METTL21A: variants seen among roughly 807,000 people sequenced by gnomAD.
METTL21A encodes protein N-lysine methyltransferase METTL21A.
A neutral mutation model predicts 20.9 loss-of-function variants in METTL21A; 22 were observed. The ratio of observed to expected loss-of-function variants is 1.05; its 90% CI spans 0.75 to 1.50. METTL21A has a LOEUF of 1.50. Among genes scored for constraint, METTL21A ranks in the 40% most tolerant of loss-of-function variants. The pLI, the probability that METTL21A is intolerant of heterozygous loss-of-function variation, is 0.00. For synonymous variants in METTL21A, 93 were observed against 102.0 expected (o/e 0.91, Z 0.53); for missense variants, 271 against 266.8 (o/e 1.02, Z -0.11).
chr2:207,617,809 T>G (rs2089977896), intron 3 of METTL21A, among the ~76,000 whole-genome samples: 1 of 150,842 alleles, frequency 6.6e-6, no homozygotes, highest in Admixed American at 6.6e-5. Context: ...GCAGTGGGAG[T>G]GGACAGAGAG....
chr2:207,620,317 C>A (rs1334538869), intron 3 of METTL21A, among the ~76,000 whole-genome samples: 1 of 152,138 alleles, frequency 6.6e-6, no homozygotes, highest in Non-Finnish European at 1.5e-5. Context: ...GTGGCACATG[C>A]CTGTAGTCCC....
At chr2:207,595,229 C>G (rs1304044195) in intron 3 of METTL21A, among the ~76,000 whole-genome samples, 1 of 151,830 alleles carries the variant, frequency 6.6e-6, no homozygotes, top group Non-Finnish European at 1.5e-5. Flanking sequence ...CTCCTGACCT[C>G]ATGATCCACC....
chr2:207,619,852 C>G (rs910619390), intron 3 of METTL21A, among the ~76,000 whole-genome samples: 5 of 152,154 alleles, frequency 3.3e-5, no homozygotes, highest in African/African-American at 4.8e-5. Flanking sequence ...ATGTTATACA[C>G]GCAATCTCAT....
At chr2:207,593,139 C>T (rs753661482) in intron 3 of METTL21A, among the ~76,000 whole-genome samples, 17 of 152,176 alleles carry the variant, frequency 1.1e-4, no homozygotes, top group Non-Finnish European at 2.2e-4. Flanking sequence ...GATTCCTTTT[C>T]ATAATTTCCA....
intron 3 of METTL21A, among the ~76,000 whole-genome samples, chr2:207,590,462 CTGATCTT>C (rs934300007): frequency 6.6e-6 from 1 of 151,876 alleles, no homozygotes; most frequent in African/African-American, 2.4e-5. Flanking sequence ...GATTTGTACT[CTGATCTT>C]TGTTATTTTC....
chr2:207,606,673 G>A (rs1298378943), downstream of METTL21A, among the ~76,000 whole-genome samples: 1 of 152,164 alleles, frequency 6.6e-6, no homozygotes, highest in Non-Finnish European at 1.5e-5. Flanking sequence ...CTGGGGAGCA[G>A]TGAGGTTGTG....
chr2:207,603,361 T>C (rs192810631), intron 3 of METTL21A: 73 of 224,772 alleles, frequency 3.2e-4, no homozygotes, highest in African/African-American at 1.4e-3. Flanking sequence ...ATCTTTGTGG[T>C]ATCAACTGTC....
At chr2:207,598,486 TAAAA>T (rs143222694) in intron 3 of METTL21A, 495 of 168,170 alleles carry the variant, frequency 2.9e-3, no homozygotes, top group East Asian at 0.013. Context: ...CAGTTACTCT[TAAAA>T]AAAAAAAAAA....
exon 2 of METTL21A, chr2:207,624,287 G>A: frequency 2.5e-6 from 4 of 1,613,810 alleles, no homozygotes; most frequent in East Asian, 2.2e-5. Flanking sequence ...GATCTGGATC[G>A]TGTGGTTTGC....
At chr2:207,618,849 G>A (rs572565025) in intron 3 of METTL21A, among the ~76,000 whole-genome samples, 35 of 152,300 alleles carry the variant, frequency 2.3e-4, no homozygotes, top group African/African-American at 8.4e-4. Flanking sequence ...CACAGGTGAG[G>A]GGGGACTGCT....
At chr2:207,590,470 T>C (rs998594745) in intron 3 of METTL21A, among the ~76,000 whole-genome samples, 3 of 152,094 alleles carry the variant, frequency 2.0e-5, no homozygotes, top group Non-Finnish European at 2.9e-5. Flanking sequence ...CTCTGATCTT[T>C]GTTATTTTCT....
chr2:207,605,052 G>C (rs1318326074), downstream of METTL21A, among the ~76,000 whole-genome samples: 1 of 152,162 alleles, frequency 6.6e-6, no homozygotes, highest in Non-Finnish European at 1.5e-5. Context: ...ACAAGTATTT[G>C]AGTCCGTGTT....
chr2:207,602,497 T>C (rs2087249272), intron 3 of METTL21A: 1 of 205,172 alleles, frequency 4.9e-6, no homozygotes, highest in Non-Finnish European at 1.0e-5. Flanking sequence ...TACTTGCCTA[T>C]AGAAGTATGG....
At chr2:207,621,575 AAC>A (rs2090479440) in intron 3 of METTL21A, among the ~76,000 whole-genome samples, 1 of 152,190 alleles carries the variant, frequency 6.6e-6, no homozygotes, top group South Asian at 2.1e-4. Flanking sequence ...AAGTATAAAT[AAC>A]AGAGTGTGTG....
intron 3 of METTL21A, among the ~76,000 whole-genome samples, chr2:207,583,240 G>A (rs1199046418): frequency 1.3e-5 from 2 of 152,036 alleles, no homozygotes; most frequent in African/African-American, 4.8e-5. Flanking sequence ...ACTCATGAGA[G>A]TTCCTGGGAC....
intron 3 of METTL21A, among the ~76,000 whole-genome samples, chr2:207,591,367 A>G (rs2084991642): frequency 6.6e-6 from 1 of 152,200 alleles, no homozygotes; most frequent in Non-Finnish European, 1.5e-5. Flanking sequence ...TATCCCTGAC[A>G]ATATTCCTTC....
At chr2:207,603,568 GACA>G (rs774218035) in intron 3 of METTL21A, 8 of 223,506 alleles carry the variant, frequency 3.6e-5, no homozygotes, top group Non-Finnish European at 5.4e-5. Flanking sequence ...AACTAATTCA[GACA>G]ACAACATGTC....
At chr2:207,599,251 A>T in intron 3 of METTL21A, 1 of 202,830 alleles carries the variant, frequency 4.9e-6, no homozygotes, top group East Asian at 7.7e-5. Context: ...AACCGCATAG[A>T]TATGTCATTT....
chr2:207,592,170 G>C (rs979765311), intron 3 of METTL21A, among the ~76,000 whole-genome samples: 2 of 152,090 alleles, frequency 1.3e-5, no homozygotes, highest in Non-Finnish European at 1.5e-5. Context: ...TGTCACTTAA[G>C]GCTGAGGTAG....
Sources: gnomAD v4.1 joint callset for allele counts (sites outside exome capture counted in the v4.1 genomes callset) on GRCh38, gnomAD v4.1.1 for gene constraint, MANE v1.5 for transcripts, NCBI Gene and HGNC (gene_info 2026-07-23, HGNC 2026-07-21) for gene names.